ALDH1L1: variants seen among roughly 807,000 people sequenced by gnomAD.
ALDH1L1 encodes the protein aldehyde dehydrogenase 1 family member L1, also known as cytosolic 10-formyltetrahydrofolate dehydrogenase.
ALDH1L1 carries 68 observed loss-of-function variants against 101.1 expected under a neutral mutation model. The observed-to-expected ratio is 0.67, with a 90% CI of 0.55 to 0.82. ALDH1L1 has a LOEUF of 0.82. Ranked by LOEUF, ALDH1L1 falls within the 40% of genes least tolerant of loss-of-function variation. The pLI is 0.00. For missense variants in ALDH1L1, 1,087 were observed against 1,172.7 expected, an observed-to-expected ratio of 0.93 and a Z score of 1.07; for synonymous variants, 486 against 470.8, an observed-to-expected ratio of 1.03 and a Z score of -0.42.
intron 14 of ALDH1L1, 45 bp downstream of exon 14, chr3:126,130,178 T>C (rs1460873706): frequency 3.2e-6 from 5 of 1,551,552 alleles, no homozygotes; most frequent in South Asian, 1.2e-5. Context: ...GTGTACTGCA[T>C]GGAAAGCACC....
At chr3:126,173,399 T>G (rs2081317027) in intron 1 of ALDH1L1, among the ~76,000 whole-genome samples, 1 of 152,076 alleles carries the variant, frequency 6.6e-6, no homozygotes, top group African/African-American at 2.4e-5. Context: ...AAATTAGATT[T>G]AAGTGTATAT....
intron 17 of ALDH1L1, 145 bp downstream of exon 17, chr3:126,117,858 TTC>T (rs2080001976): frequency 1.3e-6 from 1 of 787,210 alleles, no homozygotes; most frequent in African/African-American, 1.7e-5. Flanking sequence ...CAGATGCCTC[TTC>T]AGCGTTTGCA....
In ALDH1L1 at chr3:126,180,559, G is replaced by C. The variant is rs923500773; in HGVS notation, c.-107C>G. On this transcript the variant is annotated 5_prime_UTR_variant, in exon 1 of 23. Coordinates refer to ENST00000393434, the MANE Select transcript of ALDH1L1 (RefSeq NM_012190.4). ...CCGAAACTGAGGTTGGTGCAGACCC[G>C]TCCTGGGAGCCAGGAGGTGGGACCT... 3 of 1,111,636 alleles carry C rather than the reference G, an allele frequency of 2.7e-6. No individual in the cohort carries two copies. The highest frequency in any genetic ancestry group is 1.6e-5 in the African/African-American group (1 of 62,448). 68.9% of individuals were successfully genotyped at this position (1,111,636 alleles called of 1,614,324 possible).
rs115830005 is a variant in ALDH1L1 at position 126,118,886 on chromosome 3, G to A, written c.1889-788C>T. Among the ~76,000 whole-genome samples, 578 of 151,908 alleles carry A rather than the reference G, an allele frequency of 3.8e-3. 3 individuals are homozygous for A. The highest frequency in any genetic ancestry group is 0.02 in the Middle Eastern group (6 of 294). On this transcript the variant is annotated intron_variant, in intron 16 of 22. Transcript: ENST00000393434. The stretch of plus-strand genomic sequence containing the variant: ...GCCCCCAGCCCCTACTCCGAGCCAC[G>A]CCCTGCACAAACCCTGTCCCCAACC...
At chr3:126,144,098 TA>T (rs1396775888) in intron 9 of ALDH1L1, among the ~76,000 whole-genome samples, 6 of 151,992 alleles carry the variant, frequency 3.9e-5, no homozygotes, top group Admixed American at 6.5e-5. Flanking sequence ...AGGAAATTAA[TA>T]AAACAATTCC....
At chr3:126,104,153 C>A in intron 22 of ALDH1L1, 1 of 463,394 alleles carries the variant, frequency 2.2e-6, no homozygotes, top group Non-Finnish European at 3.9e-6. Context: ...AGAGACTTGG[C>A]GTTACTGCCC....
At chr3:126,123,077 G>A (rs2080109279) in intron 16 of ALDH1L1, among the ~76,000 whole-genome samples, 1 of 152,088 alleles carries the variant, frequency 6.6e-6, no homozygotes, top group African/African-American at 2.4e-5. Flanking sequence ...AAGTATGAAT[G>A]GGTTGAAAGT....
At chr3:126,132,749 C>A (rs1471341378) in intron 12 of ALDH1L1, among the ~76,000 whole-genome samples, 1 of 152,164 alleles carries the variant, frequency 6.6e-6, no homozygotes, top group Admixed American at 6.5e-5. Context: ...TTCACTCCCC[C>A]ACCACTACAG....
Position 126,118,114 on chromosome 3 carries a change from AG to A in ALDH1L1, c.1889-17del. 8.6e-7 allele frequency: 1 copy of A among 1,158,448 alleles called. No individual in the cohort carries two copies. Among genetic ancestry groups the A allele is most frequent in the Non-Finnish European group, 1.3e-6 (1 of 787,556 alleles). 71.8% of individuals were successfully genotyped at this position (1,158,448 alleles called of 1,614,324 possible). A position where few individuals can be genotyped will look rare whatever the true frequency, so the allele number is the denominator to read the frequency against. On this transcript the variant is annotated splice_polypyrimidine_tract_variant and intron_variant, in intron 16 of 22. Coordinates refer to ENST00000393434, the MANE Select transcript of ALDH1L1 (RefSeq NM_012190.4). ...ACCAGGGAGCCTGTGGGCGGGAGGG[AG>A]GGGGGAATCAGAGTGGTCCCCCTGG...
chr3:126,136,967 C>T, intron 10 of ALDH1L1, 84 bp from the exon 11 acceptor site: 1 of 1,568,236 alleles, frequency 6.4e-7, no homozygotes, highest in Non-Finnish European at 8.7e-7. Flanking sequence ...CACACACACA[C>T]ACTGCCCAGG....
At chr3:126,114,484 A>C in intron 18 of ALDH1L1, 73 bp downstream of exon 18, 2 of 1,237,664 alleles carry the variant, frequency 1.6e-6, no homozygotes, top group Non-Finnish European at 2.2e-6. Context: ...GTGGAATCAG[A>C]GACAGGGCCT....
intron 20 of ALDH1L1, among the ~76,000 whole-genome samples, chr3:126,109,395 C>T (rs975714711): frequency 6.6e-5 from 10 of 152,116 alleles, no homozygotes; most frequent in African/African-American, 2.4e-4. Context: ...GTTTGAAGGG[C>T]CTGGGGGACA....
intron 4 of ALDH1L1, chr3:126,156,853 A>G (rs1460806808): frequency 6.5e-6 from 1 of 152,788 alleles, no homozygotes; most frequent in Non-Finnish European, 1.5e-5. Flanking sequence ...GAATTCTAGG[A>G]GAAAAAGTGT....
At chr3:126,152,883 A>G (rs2080833127) in intron 7 of ALDH1L1, 1 of 189,458 alleles carries the variant, frequency 5.3e-6, no homozygotes, top group African/African-American at 2.3e-5. Context: ...TAGTGTTGTT[A>G]GGCAGATTAA....
At chr3:126,189,533 A>G (rs1164173320) in intron 1 of ALDH1L1, among the ~76,000 whole-genome samples, 2 of 152,118 alleles carry the variant, frequency 1.3e-5, no homozygotes, top group Non-Finnish European at 1.5e-5. Flanking sequence ...CAGTGTGGGT[A>G]GTGAGAAGAA....
chr3:126,135,415 T>G (rs528184785), intron 12 of ALDH1L1, 120 bp downstream of exon 12: 1 of 1,412,632 alleles, frequency 7.1e-7, no homozygotes, highest in Non-Finnish European at 9.4e-7. Context: ...CTCGGTCCCA[T>G]AGCCTCCCCA....
chr3:126,118,252 C>A (rs1157395650), intron 16 of ALDH1L1, among the ~76,000 whole-genome samples, 154 bp from the exon 17 acceptor site: 1 of 152,082 alleles, frequency 6.6e-6, no homozygotes, highest in Non-Finnish European at 1.5e-5. Flanking sequence ...GCTCATGGAG[C>A]CTCGCTCCCT....
In ALDH1L1 at chr3:126,137,034, A is replaced by AC. The variant is rs2080461639; in HGVS notation, c.1225-152_1225-151insG. On this transcript the variant is annotated intron_variant, in intron 10 of 22. Transcript: ENST00000393434. ...CAACAGCTGAGCAGGGGAGAGACAAAGGACAGGCTCTGAGGCCAGGCTGCC... is the reference window on the plus strand; with the variant it reads ...CAACAGCTGAGCAGGGGAGAGACAAACGGACAGGCTCTGAGGCCAGGCTGCC... 3 of 1,219,478 alleles carry AC rather than the reference A, an allele frequency of 2.5e-6. No individual in the cohort carries two copies. In the East Asian group the frequency reaches 7.7e-5, roughly 31 times the overall value. The allele number at this position is 1,219,478 out of a possible 1,614,324, so 75.5% of individuals were successfully genotyped here.
At chr3:126,142,420 T>C (rs1043932122) in intron 9 of ALDH1L1, among the ~76,000 whole-genome samples, 3 of 152,148 alleles carry the variant, frequency 2.0e-5, no homozygotes, top group African/African-American at 7.2e-5. Context: ...CAATATCCCT[T>C]ATGGAAACTG....
Sources: allele counts gnomAD v4.1 joint callset (sites outside exome capture counted in the v4.1 genomes callset), GRCh38; gene constraint gnomAD v4.1.1; transcripts MANE v1.5; gene names NCBI Gene and HGNC (gene_info 2026-07-23, HGNC 2026-07-21).